TACR1: variants seen among roughly 807,000 people sequenced by gnomAD.
TACR1 encodes the protein substance-P receptor.
TACR1 carries 25 observed loss-of-function variants against 35.8 expected under a neutral mutation model. The observed-to-expected ratio is 0.70, with a 90% confidence interval of 0.51 to 0.98. The LOEUF (loss-of-function observed/expected upper bound fraction) is 0.98. Ranked by LOEUF, TACR1 falls within the 50% of genes least tolerant of loss-of-function variation. The probability of loss-of-function intolerance (pLI) is 0.00; values close to 1 mark genes in which losing one functional copy is unlikely to be tolerated. For synonymous variants in TACR1, 195 were observed against 206.7 expected, an observed-to-expected ratio of 0.94 and a Z score of 0.48; for missense variants, 478 against 522.9, an observed-to-expected ratio of 0.91 and a Z score of 0.84.
chr2:75,145,377 C>T (rs887056741), intron 1 of TACR1, among the ~76,000 whole-genome samples: 2 of 151,856 alleles, frequency 1.3e-5, no homozygotes, highest in Admixed American at 6.6e-5. Context: ...TCTAGGAATG[C>T]GAGTCAATGC....
intron 1 of TACR1, among the ~76,000 whole-genome samples, chr2:75,132,861 G>C (rs1045705975): frequency 1.3e-5 from 2 of 152,188 alleles, no homozygotes; most frequent in African/African-American, 4.8e-5. Context: ...CCCATGTGAG[G>C]ATACTTTTTC....
At position 75,049,715 on chromosome 2, in the gene TACR1, A is replaced by T; in HGVS notation, c.941T>A (p.Leu314Gln). 3 of 1,612,814 alleles carry T rather than the reference A, an allele frequency of 1.9e-6. No homozygotes were observed. The highest frequency in any genetic ancestry group is 2.5e-6 in the Non-Finnish European group (3 of 1,179,080). Residue 314 changes from leucine (L) to glutamine (Q), a missense_variant, in exon 5 of 5, where the codon CTG (leucine) becomes CAG (glutamine). Coordinates refer to ENST00000305249, the MANE Select transcript of TACR1 (RefSeq NM_001058.4). ...IYCCLNDRFR[L>Q]GFKHAFRCCP... Reference sequence around the variant, plus strand: ...GCACCGGAAGGCATGCTTGAAGCCCAGACGGAACCTGGAGAGCGAGCAGAT... The same window carrying T: ...GCACCGGAAGGCATGCTTGAAGCCCTGACGGAACCTGGAGAGCGAGCAGAT...
chr2:75,182,595 G>A (rs992040550), intron 1 of TACR1, among the ~76,000 whole-genome samples: 2 of 152,160 alleles, frequency 1.3e-5, no homozygotes, highest in African/African-American at 4.8e-5. Flanking sequence ...TAGTGATGTC[G>A]TAGCACAACA....
chr2:75,067,998 A>T (rs1244564879), intron 2 of TACR1, among the ~76,000 whole-genome samples: 1 of 152,196 alleles, frequency 6.6e-6, no homozygotes, highest in Non-Finnish European at 1.5e-5. Context: ...AAGAGGCTGC[A>T]CTTTCATCTG....
chr2:75,176,567 T>C (rs1675424672), intron 1 of TACR1, among the ~76,000 whole-genome samples: 3 of 152,266 alleles, frequency 2.0e-5, no homozygotes, highest in Admixed American at 2.0e-4. Flanking sequence ...AAATGGACTT[T>C]CCCAGAAGAT....
chr2:75,121,593 G>A (rs925936797), intron 1 of TACR1, among the ~76,000 whole-genome samples: 4 of 152,176 alleles, frequency 2.6e-5, no homozygotes, highest in Non-Finnish European at 4.4e-5. Flanking sequence ...CTGAGATGTT[G>A]CAGAGATTTG....
At chr2:75,082,603 T>G (rs1016550691) in intron 2 of TACR1, among the ~76,000 whole-genome samples, 1 of 152,240 alleles carries the variant, frequency 6.6e-6, no homozygotes, top group Non-Finnish European at 1.5e-5. Context: ...CCTGACTTTT[T>G]AATGATTGCC....
rs57096272 is a variant in TACR1 at position 75,183,008 on chromosome 2, C to A, written c.389+15538G>T. Reference sequence around the variant, plus strand: ...CAATTGACTGTAAGCTCCTGAAGGGCAGAAATCATGTTTGATTCTTGCCAT... The same window carrying A: ...CAATTGACTGTAAGCTCCTGAAGGGAAGAAATCATGTTTGATTCTTGCCAT... On this transcript the variant is annotated intron_variant, in intron 1 of 4. Coordinates refer to ENST00000305249, the MANE Select transcript of TACR1 (RefSeq NM_001058.4). 6.4e-3 allele frequency among the ~76,000 whole-genome samples: 978 copies of A among 152,280 alleles called. 10 individuals are homozygous for A. Among genetic ancestry groups the A allele is most frequent in the African/African-American group, 0.023 (939 of 41,564 alleles).
intron 2 of TACR1, among the ~76,000 whole-genome samples, chr2:75,069,256 A>C (rs886758975): frequency 6.6e-6 from 1 of 152,134 alleles, no homozygotes; most frequent in Non-Finnish European, 1.5e-5. Flanking sequence ...AGTCTTGGGT[A>C]TGTCTTTATT....
At chr2:75,085,951 T>C (rs907758081) in intron 2 of TACR1, among the ~76,000 whole-genome samples, 2 of 152,234 alleles carry the variant, frequency 1.3e-5, no homozygotes, top group African/African-American at 2.4e-5. Flanking sequence ...CACCGTAGAT[T>C]AGTTGGCACT....
At chr2:75,145,990 A>G (rs1450592853) in intron 1 of TACR1, among the ~76,000 whole-genome samples, 1 of 152,230 alleles carries the variant, frequency 6.6e-6, no homozygotes, top group African/African-American at 2.4e-5. Context: ...GCAAAGAGAA[A>G]GTGGCCAAAG....
At chr2:75,192,479 G>T (rs2104086562) in intron 1 of TACR1, among the ~76,000 whole-genome samples, 1 of 152,274 alleles carries the variant, frequency 6.6e-6, no homozygotes, top group East Asian at 1.9e-4. Flanking sequence ...AGCAGAGTTT[G>T]GTACTCTTAC....
At chr2:75,130,274 T>A (rs1674151381) in intron 1 of TACR1, among the ~76,000 whole-genome samples, 1 of 152,198 alleles carries the variant, frequency 6.6e-6, no homozygotes, top group African/African-American at 2.4e-5. Context: ...AAATGAAGTG[T>A]ACTCAGACTC....
chr2:75,088,724 TG>T (rs948379586), intron 2 of TACR1, among the ~76,000 whole-genome samples: 14 of 152,120 alleles, frequency 9.2e-5, no homozygotes, highest in African/African-American at 3.4e-4. Flanking sequence ...TGTGGGGTGA[TG>T]GGGGTTTAGG....
chr2:75,098,735 C>T (rs1673471901), intron 2 of TACR1, among the ~76,000 whole-genome samples: 1 of 152,136 alleles, frequency 6.6e-6, no homozygotes, highest in African/African-American at 2.4e-5. Context: ...TTAGCTAACC[C>T]AGTCTCTCCC....
chr2:75,166,247 C>T (rs920232839), intron 1 of TACR1, among the ~76,000 whole-genome samples: 19 of 152,182 alleles, frequency 1.2e-4, no homozygotes, highest in Admixed American at 5.2e-4. Context: ...CAGTAAAATT[C>T]AACATCCATT....
At chr2:75,121,453 G>A (rs1673970203) in intron 1 of TACR1, among the ~76,000 whole-genome samples, 1 of 152,170 alleles carries the variant, frequency 6.6e-6, no homozygotes, top group African/African-American at 2.4e-5. Flanking sequence ...TTCATTGCAG[G>A]AAGAGGGGAG....
intron 2 of TACR1, among the ~76,000 whole-genome samples, chr2:75,096,109 C>T (rs1257468589): frequency 1.3e-5 from 2 of 152,308 alleles, no homozygotes; most frequent in Non-Finnish European, 1.5e-5. Flanking sequence ...TCCTCTTCAT[C>T]TGTGAAGCAA....
chr2:75,113,555 T>TA (rs1159555203), intron 2 of TACR1, among the ~76,000 whole-genome samples: 2 of 149,374 alleles, frequency 1.3e-5, no homozygotes, highest in Non-Finnish European at 1.5e-5. Flanking sequence ...TTTTTTTTTT[T>TA]TACTTTGTTC....
Sources: gnomAD v4.1 joint callset for allele counts (sites outside exome capture counted in the v4.1 genomes callset) on GRCh38, gnomAD v4.1.1 for gene constraint, MANE v1.5 for transcripts, NCBI Gene and HGNC (gene_info 2026-07-23, HGNC 2026-07-21) for gene names.